Variants in KIAA1671 observed in about 807,000 individuals in gnomAD.
KIAA1671 encodes KIAA1671, also known as uncharacterized protein KIAA1671.
In KIAA1671, 52 loss-of-function variants were observed where a neutral mutation model predicts 131.2. The ratio of observed to expected loss-of-function variants is 0.40; its 90% confidence interval spans 0.32 to 0.50. KIAA1671 has a LOEUF of 0.50. Among genes scored for constraint, KIAA1671 ranks in the 20% least tolerant of loss-of-function variants. KIAA1671 has a pLI of 0.73. For synonymous variants in KIAA1671, 1,003 were observed against 961.6 expected (o/e 1.04, Z -0.80); for missense variants, 2,360 against 2,364.2 (o/e 1.00, Z 0.04).
intron 6 of KIAA1671, among the ~76,000 whole-genome samples, chr22:25,090,370 T>C (rs2047190949): frequency 6.6e-6 from 1 of 152,280 alleles, no homozygotes; most frequent in Non-Finnish European, 1.5e-5. Flanking sequence ...AGAATTTAGC[T>C]GGGACCCCAC....
chr22:25,093,823 T>TGC (rs1555877744), intron 6 of KIAA1671, among the ~76,000 whole-genome samples: 1 of 75,396 alleles, frequency 1.3e-5, no homozygotes, highest in Non-Finnish European at 2.7e-5. Flanking sequence ...TCTCTCTCTC[T>TGC]TTCTCTCTCT....
chr22:25,020,742 T>G (rs1416788486), intron 1 of KIAA1671, among the ~76,000 whole-genome samples: 1 of 152,204 alleles, frequency 6.6e-6, no homozygotes, highest in African/African-American at 2.4e-5. Flanking sequence ...CTAAGGGCAG[T>G]GCAGAGGCAT....
chr22:24,961,983 T>C (rs1307430167), intron 1 of KIAA1671, among the ~76,000 whole-genome samples: 1 of 152,148 alleles, frequency 6.6e-6, no homozygotes, highest in Non-Finnish European at 1.5e-5. Context: ...AGTTTCCTTA[T>C]CTGGAAAATG....
chr22:25,074,683 A>C (rs932702113), intron 6 of KIAA1671, among the ~76,000 whole-genome samples: 9 of 152,044 alleles, frequency 5.9e-5, no homozygotes, highest in Admixed American at 1.3e-4. Context: ...TGTATTTTTG[A>C]ATTCTGTGGT....
At chr22:25,094,091 G>C (rs1018341441) in intron 6 of KIAA1671, among the ~76,000 whole-genome samples, 11 of 152,254 alleles carry the variant, frequency 7.2e-5, no homozygotes, top group African/African-American at 2.6e-4. Context: ...CATCGTTCTT[G>C]TTTTCGAAGA....
At chr22:25,037,410 G>GTATATA (rs1270730586) in intron 4 of KIAA1671, among the ~76,000 whole-genome samples, 5 of 150,356 alleles carry the variant, frequency 3.3e-5, no homozygotes, top group South Asian at 4.2e-4. Flanking sequence ...GTATATATGT[G>GTATATA]TGTATATATA....
chr22:25,075,165 C>G (rs1453256496), intron 6 of KIAA1671, among the ~76,000 whole-genome samples: 1 of 152,256 alleles, frequency 6.6e-6, no homozygotes, highest in South Asian at 2.1e-4. Context: ...GGACATTTGG[C>G]AATGTCTGGA....
intron 1 of KIAA1671, among the ~76,000 whole-genome samples, chr22:24,956,851 G>A (rs1023097253): frequency 4.2e-5 from 6 of 143,242 alleles, no homozygotes; most frequent in Non-Finnish European, 7.5e-5. Flanking sequence ...CAGCCTGGGC[G>A]AGAGAGCGAG....
chr22:25,068,445 T>G (rs935784331), intron 6 of KIAA1671, among the ~76,000 whole-genome samples: 1 of 145,948 alleles, frequency 6.9e-6, no homozygotes. Context: ...TTTTTGTTGT[T>G]TTTTTTTTTG....
At chr22:25,145,078 G>T (rs1002070474) in intron 6 of KIAA1671, among the ~76,000 whole-genome samples, 26 of 152,150 alleles carry the variant, frequency 1.7e-4, no homozygotes, top group Admixed American at 1.7e-3. Context: ...TTTCCCTTTA[G>T]GGATGGTGGA....
At chr22:24,981,062 C>CTGTGTGTGTGTG (rs35906863) in intron 1 of KIAA1671, among the ~76,000 whole-genome samples, 74 of 148,908 alleles carry the variant, frequency 5.0e-4, no homozygotes, top group African/African-American at 1.8e-3. Context: ...TTGTTATTTT[C>CTGTGTGTGTGTG]TGTGTGTGTG....
At chr22:25,030,611 T>G (rs1445171480) in intron 3 of KIAA1671, among the ~76,000 whole-genome samples, 2 of 152,208 alleles carry the variant, frequency 1.3e-5, no homozygotes, top group Non-Finnish European at 2.9e-5. Context: ...CTAAGTCAGT[T>G]GGTTAATACT....
chr22:25,179,657 A>C, intron 9 of KIAA1671: 1 of 644,898 alleles, frequency 1.6e-6, no homozygotes, highest in Non-Finnish European at 2.7e-6. Flanking sequence ...AACTTATCAG[A>C]AACTAGGTAA....
At chr22:25,169,702 C>T (rs888255528) in intron 6 of KIAA1671, among the ~76,000 whole-genome samples, 4 of 152,190 alleles carry the variant, frequency 2.6e-5, no homozygotes, top group East Asian at 1.9e-4. Flanking sequence ...GCCTTTCCAC[C>T]GTGTGCCAGG....
intron 6 of KIAA1671, among the ~76,000 whole-genome samples, chr22:25,164,931 G>T (rs1933586633): frequency 7.2e-6 from 1 of 139,300 alleles, no homozygotes; most frequent in African/African-American, 2.8e-5. Context: ...CTGGGCAACA[G>T]AGTGAGACTG....
chr22:24,956,690 C>T (rs1021079807), intron 1 of KIAA1671, among the ~76,000 whole-genome samples: 3 of 152,094 alleles, frequency 2.0e-5, no homozygotes, highest in Admixed American at 2.0e-4. Flanking sequence ...CACGGTGAAA[C>T]CCCGTGTCTA....
chr22:25,066,177 C>G (rs1928469160), intron 6 of KIAA1671, among the ~76,000 whole-genome samples: 1 of 151,690 alleles, frequency 6.6e-6, no homozygotes. Flanking sequence ...AAGACAGGGT[C>G]TGGCTCTGTC....
intron 1 of KIAA1671, among the ~76,000 whole-genome samples, chr22:24,972,444 C>T (rs1442352995): frequency 6.6e-6 from 1 of 152,112 alleles, no homozygotes; most frequent in Non-Finnish European, 1.5e-5. Flanking sequence ...ACCCATTCAT[C>T]CACTCATGCA....
chr22:25,116,881 A>G (rs1348407653), intron 6 of KIAA1671, among the ~76,000 whole-genome samples: 1 of 152,236 alleles, frequency 6.6e-6, no homozygotes, highest in Admixed American at 6.5e-5. Flanking sequence ...GCTGAAAATG[A>G]GAGAACTATC....
Sources: gnomAD v4.1 joint callset for allele counts (sites outside exome capture counted in the v4.1 genomes callset) on GRCh38, gnomAD v4.1.1 for gene constraint, MANE v1.5 for transcripts, NCBI Gene and HGNC (gene_info 2026-07-23, HGNC 2026-07-21) for gene names.